The following TRDN variants were observed in gnomAD, a reference collection of about 807,000 sequenced individuals.
The protein encoded by TRDN is triadin.
A neutral mutation model predicts 149.7 loss-of-function variants in TRDN; 161 were observed. The observed-to-expected ratio is 1.08, with a 90% confidence interval of 0.95 to 1.23. The LOEUF (loss-of-function observed/expected upper bound fraction) is 1.23, where lower values mean the gene tolerates loss of function less well. Ranked by LOEUF, TRDN falls within the 50% of genes most tolerant of loss-of-function variation. TRDN has a pLI of 0.00. For synonymous variants in TRDN, 294 were observed against 250.5 expected (o/e 1.17, Z -1.64); for missense variants, 896 against 823.5 (o/e 1.09, Z -1.08).
At chr6:123,357,165 A>G (rs1780713713) in intron 20 of TRDN, among the ~76,000 whole-genome samples, 1 of 151,990 alleles carries the variant, frequency 6.6e-6, no homozygotes, top group Non-Finnish European at 1.5e-5. Context: ...TCTTTGACTT[A>G]TAGAATACTT....
chr6:123,412,083 C>T (rs1396718384), intron 12 of TRDN, among the ~76,000 whole-genome samples: 3 of 152,180 alleles, frequency 2.0e-5, no homozygotes, highest in African/African-American at 7.2e-5. Flanking sequence ...ACGTACACCA[C>T]GGAAATCAGC....
chr6:123,284,227 T>A (rs527866119), intron 24 of TRDN, among the ~76,000 whole-genome samples: 100 of 149,828 alleles, frequency 6.7e-4, no homozygotes, highest in South Asian at 2.5e-3. Context: ...AAACTACAGA[T>A]CAATATTCTT....
chr6:123,479,271 G>A (rs1259631605), intron 9 of TRDN, among the ~76,000 whole-genome samples: 1 of 151,832 alleles, frequency 6.6e-6, no homozygotes. Context: ...TTCTTTCTGG[G>A]GGAAGTTTAC....
intron 9 of TRDN, among the ~76,000 whole-genome samples, chr6:123,465,400 A>G (rs1306865285): frequency 6.6e-6 from 1 of 152,074 alleles, no homozygotes; most frequent in Non-Finnish European, 1.5e-5. Flanking sequence ...CTCAAATGAT[A>G]TAATATAGGC....
intron 14 of TRDN, among the ~76,000 whole-genome samples, chr6:123,383,551 G>T (rs140739803): frequency 6.3e-4 from 96 of 152,106 alleles, no homozygotes; most frequent in Admixed American, 2.8e-3. Flanking sequence ...ATAAGAGAGT[G>T]TTGATGAATT....
chr6:123,333,383 A>T (rs1779735259), intron 22 of TRDN, among the ~76,000 whole-genome samples: 1 of 152,104 alleles, frequency 6.6e-6, no homozygotes, highest in Admixed American at 6.6e-5. Flanking sequence ...GTGGAGAGAG[A>T]AGGAAAGGGT....
chr6:123,624,833 A>G (rs576581175), intron 1 of TRDN, among the ~76,000 whole-genome samples: 9 of 152,252 alleles, frequency 5.9e-5, no homozygotes, highest in African/African-American at 2.2e-4. Flanking sequence ...GGTTCAAATA[A>G]TGGGAGAACA....
At chr6:123,423,261 C>A (rs1773985420) in intron 12 of TRDN, among the ~76,000 whole-genome samples, 1 of 151,978 alleles carries the variant, frequency 6.6e-6, no homozygotes, top group Non-Finnish European at 1.5e-5. Context: ...GAAAGTTACC[C>A]CTGCTTTTAG....
chr6:123,273,183 C>T (rs897519030), intron 28 of TRDN, among the ~76,000 whole-genome samples, 154 bp downstream of exon 28: 9 of 151,806 alleles, frequency 5.9e-5, no homozygotes, highest in Admixed American at 5.3e-4. Flanking sequence ...GCCAAGAATT[C>T]TTATTTACAA....
chr6:123,353,040 C>T (rs1780526454), intron 20 of TRDN, among the ~76,000 whole-genome samples: 1 of 151,766 alleles, frequency 6.6e-6, no homozygotes, highest in South Asian at 2.1e-4. Flanking sequence ...ATGAAACCAT[C>T]CCAAATCATC....
intron 1 of TRDN, among the ~76,000 whole-genome samples, chr6:123,635,114 G>A (rs1267956674): frequency 6.6e-6 from 1 of 151,974 alleles, no homozygotes; most frequent in African/African-American, 2.4e-5. Context: ...CAGAGGTAGA[G>A]AAACAGAAGA....
intron 9 of TRDN, among the ~76,000 whole-genome samples, chr6:123,480,594 A>T (rs574042675): frequency 2.9e-4 from 44 of 152,178 alleles, no homozygotes; most frequent in African/African-American, 9.9e-4. Flanking sequence ...GAGATCCAAC[A>T]TGTATTAATG....
chr6:123,382,529 G>T (rs1781759875), intron 14 of TRDN, among the ~76,000 whole-genome samples: 1 of 151,838 alleles, frequency 6.6e-6, no homozygotes, highest in Non-Finnish European at 1.5e-5. Context: ...AGATGCTTAG[G>T]AGTTCATGAA....
chr6:123,366,202 A>G lies in TRDN; in HGVS notation c.1274-20T>C, dbSNP rs1421503620. 1.2e-5 allele frequency: 20 copies of G among 1,610,776 alleles called. No homozygotes were observed. The highest frequency in any genetic ancestry group is 1.7e-5 in the Non-Finnish European group (20 of 1,177,672). ...CAGTTTCTGCAAGTTCAGATATTAA[A>G]GGAATGAGAAGTGGATATTAGTGAT... On this transcript the variant is annotated intron_variant, in intron 19 of 40. Transcript: ENST00000334268.
At chr6:123,319,966 GA>G (rs1349843319) in intron 23 of TRDN, among the ~76,000 whole-genome samples, 2 of 152,080 alleles carry the variant, frequency 1.3e-5, no homozygotes, top group Non-Finnish European at 2.9e-5. Context: ...GCTTAAGTCA[GA>G]AGGGCAGCAG....
At position 123,425,939 on chromosome 6, in the gene TRDN, C is replaced by T. The variant is rs549237177; in HGVS notation, c.1051+12124G>A. Reference sequence around the variant, plus strand: ...ATCTACACACACACAGATACATATGCACACATATGACATAGCACATTTTAT... The same window carrying T: ...ATCTACACACACACAGATACATATGTACACATATGACATAGCACATTTTAT... On this transcript the variant is annotated intron_variant, in intron 12 of 40. Coordinates refer to ENST00000334268, the MANE Select transcript of TRDN (RefSeq NM_006073.4). Among the ~76,000 whole-genome samples the T allele has an allele frequency of 1.9e-4, 29 of 152,184 alleles. No homozygotes were observed. The Middle Eastern group carries it at 0.01, about 54-fold the overall frequency.
intron 2 of TRDN, among the ~76,000 whole-genome samples, chr6:123,551,346 C>T (rs200847486): frequency 0.41 from 54,826 of 132,476 alleles, 11,066 homozygotes; most frequent in East Asian, 0.73. Flanking sequence ...CCTAAATACA[C>T]ACACACACAC....
intron 9 of TRDN, among the ~76,000 whole-genome samples, chr6:123,472,300 G>A (rs1025530674): frequency 3.3e-5 from 5 of 152,168 alleles, no homozygotes; most frequent in African/African-American, 7.2e-5. Flanking sequence ...TTCCCCTTCC[G>A]AGTCAAAGAA....
At chr6:123,239,905 A>T (rs1332448062) in intron 38 of TRDN, among the ~76,000 whole-genome samples, 2 of 152,054 alleles carry the variant, frequency 1.3e-5, no homozygotes, top group East Asian at 3.8e-4. Flanking sequence ...AGTAGAACTG[A>T]TTAAATGTGT....
Sources: allele counts gnomAD v4.1 joint callset (sites outside exome capture counted in the v4.1 genomes callset), GRCh38; gene constraint gnomAD v4.1.1; transcripts MANE v1.5; gene names NCBI Gene and HGNC (gene_info 2026-07-23, HGNC 2026-07-21).